Variants in ZNF700 observed in about 807,000 individuals in gnomAD.
The protein encoded by ZNF700 is zinc finger protein 700.
A neutral mutation model predicts 65.3 loss-of-function variants in ZNF700; 38 were observed. The ratio of observed to expected loss-of-function variants is 0.58; its 90% CI spans 0.45 to 0.76. The LOEUF is 0.76. ZNF700 is among the 30% of genes least tolerant of loss of function. The pLI, the probability that ZNF700 is intolerant of heterozygous loss-of-function variation, is 0.00. For synonymous variants in ZNF700, 285 were observed against 290.4 expected (o/e 0.98, Z 0.19); for missense variants, 857 against 888.4 (o/e 0.96, Z 0.45).
intron 1 of ZNF700, among the ~76,000 whole-genome samples, chr19:11,941,859 A>G (rs949171858): frequency 2.6e-5 from 4 of 152,240 alleles, no homozygotes; most frequent in Admixed American, 6.5e-5. Context: ...GTCACCTCTC[A>G]GTATGTATAT....
intron 1 of ZNF700, among the ~76,000 whole-genome samples, chr19:11,928,078 C>T (rs904487783): frequency 1.3e-5 from 2 of 152,024 alleles, no homozygotes; most frequent in Non-Finnish European, 2.9e-5. Context: ...TTACTGCAGC[C>T]TTGACCTCCC....
At chr19:11,944,118 G>C (rs1972924708) in intron 1 of ZNF700, among the ~76,000 whole-genome samples, 1 of 152,188 alleles carries the variant, frequency 6.6e-6, no homozygotes, top group African/African-American at 2.4e-5. Flanking sequence ...GTGAACTGGG[G>C]AGAATAAGCT....
chr19:11,927,422 T>TTAAA (rs57120234), intron 1 of ZNF700, among the ~76,000 whole-genome samples: 42,869 of 142,868 alleles, frequency 0.3, 6,540 homozygotes, highest in Non-Finnish European at 0.32. Context: ...CTGTCTCTAT[T>TTAAA]TAAATAAATA....
intron 1 of ZNF700, among the ~76,000 whole-genome samples, chr19:11,934,158 A>G (rs1280705080): frequency 6.8e-6 from 1 of 147,824 alleles, no homozygotes; most frequent in Admixed American, 6.6e-5. Context: ...AGCCTGGTAG[A>G]TACAGTGTGA....
In ZNF700 at chr19:11,939,456, C is replaced by T. The variant is rs747953138; in HGVS notation, c.64-7725C>T. Among the ~76,000 whole-genome samples, 166 of 152,300 alleles carry T rather than the reference C, an allele frequency of 1.1e-3. 1 individual carries two copies. Among genetic ancestry groups the T allele is most frequent in the Non-Finnish European group, 1.8e-3 (120 of 68,034 alleles). On this transcript the variant is annotated intron_variant, in intron 1 of 3. Transcript: ENST00000254321. Reference sequence around the variant, plus strand: ...GCTTTCTACATATGGCTAGCCAGTTCTCCCAGCACCATTTATTAAATAGGG... The same window carrying T: ...GCTTTCTACATATGGCTAGCCAGTTTTCCCAGCACCATTTATTAAATAGGG...
intron 1 of ZNF700, among the ~76,000 whole-genome samples, chr19:11,928,743 A>AG (rs1324888986): frequency 7.0e-6 from 1 of 143,516 alleles, no homozygotes; most frequent in East Asian, 2.0e-4. Context: ...AAAAAAAAAA[A>AG]AAAAAAAAGA....
In ZNF700 at chr19:11,925,292, A is replaced by C. The variant is rs757256101; in HGVS notation, c.63+19A>C. The C allele has an allele frequency of 5.0e-6, 8 of 1,610,266 alleles. No homozygotes were observed. The highest frequency in any genetic ancestry group is 6.8e-6 in the Non-Finnish European group (8 of 1,177,780). ...GGAAATGGTGCGTGTGCGGGACCAG[A>C]TGTCGTGAGACGGGGGAGGGGCTGC... On this transcript the variant is annotated intron_variant, in intron 1 of 3. Transcript: ENST00000254321.
In ZNF700 at chr19:11,933,749, G is replaced by A. The variant is rs1013205761; in HGVS notation, c.63+8476G>A. On this transcript the variant is annotated intron_variant, in intron 1 of 3. Transcript: ENST00000254321. ...TATTTATTTATCTAAAAAAAATTTT[G>A]TTTTTGAATGGTGTGAACCCAGGAG... 1.9e-4 allele frequency among the ~76,000 whole-genome samples: 27 copies of A among 145,178 alleles called. 1 individual carries two copies. The highest frequency in any genetic ancestry group is 7.4e-5 in the Non-Finnish European group (5 of 67,524).
intron 1 of ZNF700, among the ~76,000 whole-genome samples, chr19:11,934,471 C>A (rs1415258342): frequency 2.0e-5 from 3 of 148,424 alleles, no homozygotes; most frequent in Non-Finnish European, 4.4e-5. Flanking sequence ...TTAGCTACTG[C>A]ACCAGGTATT....
At position 11,939,373 on chromosome 19, in the gene ZNF700, T is replaced by A. The variant is rs4804650; in HGVS notation, c.64-7808T>A. Among the ~76,000 whole-genome samples, 1,494 of 152,320 alleles carry A rather than the reference T, an allele frequency of 9.8e-3. 62 individuals carry two copies. The highest frequency in any genetic ancestry group is 0.071 in the Admixed American group (1,080 of 15,288). On this transcript the variant is annotated intron_variant, in intron 1 of 3. Transcript: ENST00000254321. Reference sequence around the variant, plus strand: ...TATGGTTTTAGGTCTAACATTTAAGTCTTTAATCCATCTTGAATTAATTTT... The same window carrying A: ...TATGGTTTTAGGTCTAACATTTAAGACTTTAATCCATCTTGAATTAATTTT...
chr19:11,928,228 C>T (rs1972661328), intron 1 of ZNF700, among the ~76,000 whole-genome samples: 1 of 152,186 alleles, frequency 6.6e-6, no homozygotes, highest in Admixed American at 6.5e-5. Flanking sequence ...TCAAACAGTC[C>T]TGCTTCCTTG....
At chr19:11,941,659 T>C (rs1972887095) in intron 1 of ZNF700, among the ~76,000 whole-genome samples, 1 of 151,764 alleles carries the variant, frequency 6.6e-6, no homozygotes, top group African/African-American at 2.4e-5. Flanking sequence ...GCAGCCCCAG[T>C]TCCCGCTCGC....
rs1043184088 is a variant in ZNF700 at position 11,950,287 on chromosome 19, A to G, written c.*34A>G. On this transcript the variant is annotated 3_prime_UTR_variant, in exon 4 of 4. Transcript: ENST00000254321. ...CTTTTATGGACATGAATAGACTCAC[A>G]CTGGAAGGAAGCACTATGAATGCAA... is the stretch of plus-strand genomic sequence containing the variant. 6.3e-7 allele frequency: 1 copy of G among 1,581,300 alleles called. No individual in the cohort carries two copies. Among genetic ancestry groups the G allele is most frequent in the Admixed American group, 2.0e-5 (1 of 50,344 alleles).
chr19:11,945,987 G>C (rs1000057418), intron 1 of ZNF700, among the ~76,000 whole-genome samples: 1 of 152,222 alleles, frequency 6.6e-6, no homozygotes, highest in East Asian at 1.9e-4. Flanking sequence ...GGGTGACCGG[G>C]GTGGTTACTA....
At chr19:11,939,917 T>C (rs1485143033) in intron 1 of ZNF700, 2 of 152,162 alleles carry the variant, frequency 1.3e-5, no homozygotes, top group Non-Finnish European at 2.9e-5. Flanking sequence ...TATCCTGAGG[T>C]TTCACGCATG....
At chr19:11,947,712 A>T (rs982190657) in intron 3 of ZNF700, 138 bp downstream of exon 3, 2 of 910,260 alleles carry the variant, frequency 2.2e-6, no homozygotes, top group South Asian at 1.7e-5. Context: ...CAAAAAACAT[A>T]TATTTAAACG....
intron 1 of ZNF700, among the ~76,000 whole-genome samples, chr19:11,944,253 G>A (rs905504577): frequency 6.6e-6 from 1 of 152,170 alleles, no homozygotes; most frequent in Non-Finnish European, 1.5e-5. Context: ...CCATACTATG[G>A]GAGGAGGGCT....
chr19:11,942,219 G>A (rs902185619), intron 1 of ZNF700, among the ~76,000 whole-genome samples: 1 of 150,798 alleles, frequency 6.6e-6, no homozygotes, highest in African/African-American at 2.4e-5. Context: ...GTCCCTGGGG[G>A]TGTGGGCTTT....
In ZNF700 at chr19:11,948,743, A is replaced by G. The variant is rs142588107; in HGVS notation, c.719A>G (p.His240Arg). 23 of 1,612,516 alleles carry G rather than the reference A, an allele frequency of 1.4e-5. No individual in the cohort carries two copies. Among genetic ancestry groups the G allele is most frequent in the Admixed American group, 5.1e-5 (3 of 59,360 alleles). ...CATTCTTTCAGTTTATATCTTATCC[A>G]TGAAAGAACTCACACTGGAGAGAAA... ...AFHSFSLYLI[H>R]ERTHTGEKPY... Residue 240 changes from histidine (H) to arginine (R), a missense_variant, in exon 4 of 4, where the codon CAT becomes CGT. Transcript: ENST00000254321.
Sources: gnomAD v4.1 joint callset for allele counts (sites outside exome capture counted in the v4.1 genomes callset) on GRCh38, gnomAD v4.1.1 for gene constraint, MANE v1.5 for transcripts, NCBI Gene and HGNC (gene_info 2026-07-23, HGNC 2026-07-21) for gene names.